The following ALB variants were observed in gnomAD, a reference collection of about 807,000 sequenced individuals.
The protein encoded by ALB is albumin.
In ALB, 37 loss-of-function variants were observed where a neutral mutation model predicts 74.5. That is an observed-to-expected ratio of 0.50 (90% CI 0.38 to 0.65). ALB has a LOEUF of 0.65. Among genes scored for constraint, ALB ranks in the 30% least tolerant of loss-of-function variants. The pLI, the probability that ALB is intolerant of heterozygous loss-of-function variation, is 0.00. For missense variants in ALB, 685 were observed against 718.7 expected (o/e 0.95, Z 0.54); for synonymous variants, 249 against 251.6 (o/e 0.99, Z 0.10).
At chr4:73,420,231 A>T (rs370480203) in intron 13 of ALB, 23 bp from the exon 14 acceptor site, 2 of 1,607,730 alleles carry the variant, frequency 1.2e-6, no homozygotes, top group East Asian at 4.5e-5. Flanking sequence ...TTTTCCTAAC[A>T]TCTGTCATGT....
Position 73,420,931 on chromosome 4 carries a change from CAG to C in ALB, c.*24-159_*24-158del, listed in dbSNP as rs575660050. The C allele has an allele frequency of 3.3e-4, 167 of 513,048 alleles. 2 individuals carry two copies. In the South Asian group the frequency reaches 4.8e-3, roughly 15 times the overall value. 31.8% of individuals were successfully genotyped at this position (513,048 alleles called of 1,614,324 possible). A position where few individuals can be genotyped will look rare whatever the true frequency, so the allele number is the denominator to read the frequency against. ...TGGTGTGTCCCCTTGCCTAGCCCAACAGAAGAATTCAGCAGCCGTAAGTCTAG... is the reference window on the plus strand; with the variant it reads ...TGGTGTGTCCCCTTGCCTAGCCCAACAAGAATTCAGCAGCCGTAAGTCTAG... On this transcript the variant is annotated intron_variant, in intron 14 of 14. Coordinates refer to ENST00000295897, the MANE Select transcript of ALB (RefSeq NM_000477.7).
intron 3 of ALB, 120 bp from the exon 4 acceptor site, chr4:73,408,474 C>G (rs907421688): frequency 1.2e-6 from 1 of 867,786 alleles, no homozygotes. Context: ...GGAGGGGAAG[C>G]GGATTTTTAA....
rs1420265152 is a variant in ALB at position 73,409,156 on chromosome 4, C to T, written c.483-199C>T. ...AAATTTAACCATTTATGCACACACA[C>T]ACACACACACACACACTTAACCCTT... is the stretch of plus-strand genomic sequence containing the variant. On this transcript the variant is annotated intron_variant, in intron 4 of 14. Coordinates refer to ENST00000295897, the MANE Select transcript of ALB (RefSeq NM_000477.7). The T allele has an allele frequency of 6.2e-6, 4 of 646,842 alleles. No individual in the cohort carries two copies. The African/African-American group carries it at 7.3e-5, about 12-fold the overall frequency. The allele number at this position is 646,842 out of a possible 1,614,324, so 40.1% of individuals were successfully genotyped here.
At position 73,419,537 on chromosome 4, in the gene ALB, CA is replaced by C; in HGVS notation, c.1685del (p.Lys562ArgfsTer7). ...ALVELVKHKP[K>X]ATKEQLKAVM... Reference sequence around the variant, plus strand: ...TTGTTGAGCTCGTGAAACACAAGCCCAAGGCAACAAAAGAGCAACTGAAAGC... The same window carrying C: ...TTGTTGAGCTCGTGAAACACAAGCCCAGGCAACAAAAGAGCAACTGAAAGC... On this transcript the variant is annotated frameshift_variant, in exon 13 of 15. Coordinates refer to ENST00000295897, the MANE Select transcript of ALB (RefSeq NM_000477.7). LOFTEE classifies it high-confidence loss of function. 1 of 1,613,478 alleles carries C rather than the reference CA, an allele frequency of 6.2e-7. No individual in the cohort carries two copies.
Position 73,413,346 on chromosome 4 carries a change from A to T in ALB, c.844-74A>T. The T allele has an allele frequency of 4.4e-6, 6 of 1,358,832 alleles. 1 individual carries two copies. Among genetic ancestry groups the T allele is most frequent in the Middle Eastern group, 1.8e-4 (1 of 5,538 alleles). 84.2% of individuals were successfully genotyped at this position (1,358,832 alleles called of 1,614,324 possible). A position where few individuals can be genotyped will look rare whatever the true frequency, so the allele number is the denominator to read the frequency against. On this transcript the variant is annotated intron_variant, in intron 7 of 14. Coordinates refer to ENST00000295897, the MANE Select transcript of ALB (RefSeq NM_000477.7). ...AGAATACAATGAATATGTTCTGCCA[A>T]CTTAATAAAGGTCTGAGGAGAAAGT...
intron 14 of ALB, 47 bp from the exon 15 acceptor site, chr4:73,421,045 C>A: frequency 1.5e-6 from 1 of 668,286 alleles, no homozygotes; most frequent in Non-Finnish European, 2.7e-6. Context: ...TTGAAAAACA[C>A]ATGCCATTTT....
At chr4:73,412,613 T>C (rs576801162) in intron 7 of ALB, among the ~76,000 whole-genome samples, 11 of 152,100 alleles carry the variant, frequency 7.2e-5, no homozygotes, top group East Asian at 5.8e-4. Context: ...ACCTGGCTAA[T>C]TTTGTATTTT....
At chr4:73,417,443 A>T in intron 10 of ALB, 88 bp from the exon 11 acceptor site, 1 of 1,481,518 alleles carries the variant, frequency 6.7e-7, no homozygotes, top group Non-Finnish European at 9.4e-7. Flanking sequence ...GCAACATCTT[A>T]GTTGATTCCG....
At chr4:73,405,439 A>G (rs899315866) in intron 2 of ALB, among the ~76,000 whole-genome samples, 5 of 152,178 alleles carry the variant, frequency 3.3e-5, no homozygotes, top group African/African-American at 1.2e-4. Flanking sequence ...ATTTGAATGT[A>G]TATAGTCACA....
chr4:73,413,489 A>C lies in ALB; in HGVS notation c.913A>C (p.Lys305Gln), dbSNP rs377046738. 7.4e-6 allele frequency: 12 copies of C among 1,614,088 alleles called. No homozygotes were observed. In the East Asian group the frequency reaches 1.8e-4, roughly 24 times the overall value. Residue 305 changes from lysine to glutamine, a missense_variant, in exon 8 of 15, where the codon AAA becomes CAA. Physicochemically the swap from Lys to Gln is moderately conservative, Grantham distance 53 (BLOSUM62 1). Coordinates refer to ENST00000295897, the MANE Select transcript of ALB (RefSeq NM_000477.7). ...ISSKLKECCE[K>Q]PLLEKSHCIA... ...CAGTAAACTGAAGGAATGCTGTGAAAAACCTCTGTTGGAAAAATCCCACTG... is the reference window on the plus strand; with the variant it reads ...CAGTAAACTGAAGGAATGCTGTGAACAACCTCTGTTGGAAAAATCCCACTG...
In ALB at chr4:73,417,608, A is replaced by G. The variant is rs760223596; in HGVS notation, c.1367A>G (p.Lys456Arg). 13 of 1,614,036 alleles carry G rather than the reference A, an allele frequency of 8.1e-6. No individual in the cohort carries two copies. Among genetic ancestry groups the G allele is most frequent in the Non-Finnish European group, 1.0e-5 (12 of 1,179,928 alleles). ...GTAGAGGTCTCAAGAAACCTAGGAA[A>G]AGTGGGCAGCAAATGTTGTAAACAT... ...TLVEVSRNLG[K>R]VGSKCCKHPE... The change falls in exon 11 of 15, where the codon AAA becomes AGA. Residue 456 changes from lysine to arginine, a missense_variant. Coordinates refer to ENST00000295897, the MANE Select transcript of ALB (RefSeq NM_000477.7).
chr4:73,420,170 C>A, intron 13 of ALB, 84 bp from the exon 14 acceptor site: 1 of 1,235,014 alleles, frequency 8.1e-7, no homozygotes, highest in Non-Finnish European at 1.2e-6. Flanking sequence ...ACTTTGCAAT[C>A]ATCAATAGCT....
chr4:73,417,721 A>G (rs772597813), intron 11 of ALB, 52 bp downstream of exon 11: 109 of 1,424,830 alleles, frequency 7.7e-5, no homozygotes, highest in Non-Finnish European at 9.8e-5. Flanking sequence ...TTTTACCTTT[A>G]GATATTGATA....
At position 73,418,222 on chromosome 4, in the gene ALB, C is replaced by T. The variant is rs142780781; in HGVS notation, c.1563C>T (p.Tyr521=). 129 of 1,613,974 alleles carry T rather than the reference C, an allele frequency of 8.0e-5. No homozygotes were observed. The highest frequency in any genetic ancestry group is 1.0e-4 in the Non-Finnish European group (119 of 1,179,984). Residue 521 remains tyrosine, a synonymous_variant, in exon 12 of 15, where the codon TAC becomes TAT. Coordinates refer to ENST00000295897, the MANE Select transcript of ALB (RefSeq NM_000477.7). The part of the protein sequence containing the change: ...CFSALEVDET[Y]VPKEFNAETF... ...CAGCTCTGGAAGTCGATGAAACATA[C>T]GTTCCCAAAGAGTTTAATGCTGAAA...
chr4:73,414,928 T>A, intron 8 of ALB, 107 bp from the exon 9 acceptor site: 1 of 1,396,498 alleles, frequency 7.2e-7, no homozygotes. Flanking sequence ...GCATGGGGTT[T>A]AGTCAAATTA....
chr4:73,410,055 CT>C (rs1311521540), intron 5 of ALB, among the ~76,000 whole-genome samples: 1 of 152,180 alleles, frequency 6.6e-6, no homozygotes, highest in African/African-American at 2.4e-5. Flanking sequence ...TTTTCTCCCA[CT>C]TTTAAGGCTC....
intron 3 of ALB, 142 bp downstream of exon 3, chr4:73,406,903 T>G (rs1002158644): frequency 1.4e-5 from 13 of 915,154 alleles, no homozygotes; most frequent in South Asian, 3.4e-5. Context: ...CATAGACTGA[T>G]AAGCCATTGT....
In ALB at chr4:73,418,383, T is replaced by G. The variant is rs979903623; in HGVS notation, c.1652+72T>G. The G allele has an allele frequency of 3.6e-6, 5 of 1,371,346 alleles. No homozygotes were observed. The African/African-American group carries it at 7.1e-5, about 20-fold the overall frequency. 84.9% of individuals were successfully genotyped at this position (1,371,346 alleles called of 1,614,324 possible). ...GAACTGTCAATTCAAGCTAGCAACT[T>G]TTTCCTGAAGTAGTGATTATATTTC... On this transcript the variant is annotated intron_variant, in intron 12 of 14. Coordinates refer to ENST00000295897, the MANE Select transcript of ALB (RefSeq NM_000477.7).
In ALB at chr4:73,419,389, C is replaced by T; in HGVS notation, c.1653-118C>T. ...CTGAGCCCCAAAGTACTCAGAGTTG[C>T]CTGGCTCCAAGATTTATAATCTTAA... On this transcript the variant is annotated intron_variant, in intron 12 of 14. Transcript: ENST00000295897. 3 of 1,193,726 alleles carry T rather than the reference C, an allele frequency of 2.5e-6. 1 individual carries two copies. Among genetic ancestry groups the T allele is most frequent in the South Asian group, 1.5e-5 (1 of 65,508 alleles). The allele number at this position is 1,193,726 out of a possible 1,614,324, so 73.9% of individuals were successfully genotyped here.
Sources: gnomAD v4.1 joint callset for allele counts (sites outside exome capture counted in the v4.1 genomes callset) on GRCh38, gnomAD v4.1.1 for gene constraint, MANE v1.5 for transcripts, NCBI Gene and HGNC (gene_info 2026-07-23, HGNC 2026-07-21) for gene names.